Variants in CD109 observed in about 807,000 individuals in gnomAD.
CD109 encodes the protein CD109 molecule.
In CD109, 149 loss-of-function variants were observed where a neutral mutation model predicts 165.8. The observed-to-expected ratio is 0.90, with a 90% CI of 0.79 to 1.03. CD109 has a LOEUF of 1.03. Among genes scored for constraint, CD109 ranks in the 50% least tolerant of loss-of-function variants. CD109 has a pLI of 0.00. For missense variants in CD109, 1,712 were observed against 1,677.8 expected, an observed-to-expected ratio of 1.02 and a Z score of -0.36; for synonymous variants, 585 against 592.1, an observed-to-expected ratio of 0.99 and a Z score of 0.18.
the CD109 span, among the ~76,000 whole-genome samples, chr6:73,681,607 CTT>C: frequency 6.9e-6 from 1 of 143,958 alleles, no homozygotes; most frequent in Non-Finnish European, 1.5e-5. Flanking sequence ...ACTTCCCCCA[CTT>C]TTTTTTTTTT....
At chr6:73,800,982 T>G (rs1415435805) in intron 23 of CD109, among the ~76,000 whole-genome samples, 1 of 152,252 alleles carries the variant, frequency 6.6e-6, no homozygotes, top group Non-Finnish European at 1.5e-5. Context: ...AATAGTCAAA[T>G]GCATCAATTT....
upstream of CD109, chr6:73,695,510 CCTAA>C (rs913228357): frequency 2.0e-5 from 3 of 151,670 alleles, no homozygotes; most frequent in African/African-American, 7.3e-5. Context: ...AGTAGCAACA[CCTAA>C]CGTCTGCAGT....
chr6:73,766,629 GA>G lies in CD109; in HGVS notation c.1333-128del, dbSNP rs1331393484. On this transcript the variant is annotated intron_variant, in intron 11 of 32. Transcript: ENST00000287097. The stretch of plus-strand genomic sequence containing the variant: ...AAATGATGAAAATCCAATGTCTGGT[GA>G]ATGTATTTTTCTTGCATTAAAAAAA... 1.7e-5 allele frequency: 11 copies of G among 639,044 alleles called. No homozygotes were observed. In the African/African-American group the frequency reaches 1.8e-4, roughly 11 times the overall value. 39.6% of individuals were successfully genotyped at this position (639,044 alleles called of 1,614,324 possible).
chr6:73,755,107 A>G (rs1773340495), intron 5 of CD109, among the ~76,000 whole-genome samples: 1 of 152,236 alleles, frequency 6.6e-6, no homozygotes, highest in African/African-American at 2.4e-5. Context: ...TCTTATGTTC[A>G]TTAGTAAAAC....
At chr6:73,812,829 A>G (rs1775800586) in intron 29 of CD109, among the ~76,000 whole-genome samples, 1 of 152,128 alleles carries the variant, frequency 6.6e-6, no homozygotes, top group African/African-American at 2.4e-5. Context: ...TAAATAGCAC[A>G]TAAAAATATT....
intron 5 of CD109, 78 bp downstream of exon 5, chr6:73,736,586 T>C (rs1223765811): frequency 1.1e-5 from 14 of 1,275,972 alleles, no homozygotes; most frequent in Admixed American, 2.4e-5. Flanking sequence ...TCCAAAGTCA[T>C]TTATACAATG....
intron 5 of CD109, among the ~76,000 whole-genome samples, chr6:73,748,447 G>A (rs59054044): frequency 0.059 from 8,996 of 152,202 alleles, 661 homozygotes; most frequent in African/African-American, 0.17. Context: ...ATAACTCTCT[G>A]TAAATGTTAA....
intron 23 of CD109, among the ~76,000 whole-genome samples, chr6:73,800,401 G>A (rs1288867470): frequency 3.3e-5 from 5 of 152,196 alleles, no homozygotes; most frequent in Non-Finnish European, 7.3e-5. Context: ...AGATGATGCT[G>A]TAATGAATAA....
At chr6:73,777,893 C>T (rs1218073592) in intron 15 of CD109, among the ~76,000 whole-genome samples, 3 of 152,142 alleles carry the variant, frequency 2.0e-5, no homozygotes, top group Non-Finnish European at 4.4e-5. Context: ...CTTGGCTATA[C>T]GAGCTCTTTT....
rs577245969 is a variant in CD109 at position 73,770,914 on chromosome 6, A to G, written c.1675-515A>G. ...GTTTAGAAGGCCATGGAGACAGAGCATGAGGGCCTGGACTAGTGTTTGCTC... is the reference window on the plus strand; with the variant it reads ...GTTTAGAAGGCCATGGAGACAGAGCGTGAGGGCCTGGACTAGTGTTTGCTC... On this transcript the variant is annotated intron_variant, in intron 14 of 32. Transcript: ENST00000287097. Among the ~76,000 whole-genome samples the G allele has an allele frequency of 3.9e-5, 6 of 152,290 alleles. No individual in the cohort carries two copies. In the South Asian group the frequency reaches 1.0e-3, roughly 26 times the overall value.
chr6:73,820,161 C>T (rs1453508313), intron 31 of CD109, among the ~76,000 whole-genome samples: 1 of 152,184 alleles, frequency 6.6e-6, no homozygotes, highest in Admixed American at 6.5e-5. Context: ...GGGTGGGGTG[C>T]ACCATCTGAG....
chr6:73,778,841 G>T (rs1160065394), intron 15 of CD109, among the ~76,000 whole-genome samples: 1 of 151,564 alleles, frequency 6.6e-6, no homozygotes, highest in Non-Finnish European at 1.5e-5. Context: ...GTCTTAATTT[G>T]TCTGGTTAAT....
chr6:73,803,393 A>G (rs1442897619), intron 24 of CD109, 92 bp downstream of exon 24: 6 of 857,344 alleles, frequency 7.0e-6, no homozygotes, highest in Non-Finnish European at 7.5e-6. Flanking sequence ...ATATCTCTAT[A>G]TATTATAGAC....
At chr6:73,744,935 G>A (rs562677922) in intron 5 of CD109, among the ~76,000 whole-genome samples, 10 of 152,192 alleles carry the variant, frequency 6.6e-5, no homozygotes, top group South Asian at 6.2e-4. Context: ...CTTAGAGGTC[G>A]CCTAGATCCA....
chr6:73,803,212 G>A lies in CD109; in HGVS notation c.2879-8G>A, dbSNP rs1429263000. On this transcript the variant is annotated splice_polypyrimidine_tract_variant and splice_region_variant and intron_variant, in intron 23 of 32. Coordinates refer to ENST00000287097, the MANE Select transcript of CD109 (RefSeq NM_133493.5). ...TTACTTTGACTATCTGTCTATTTTT[G>A]TGTCTAGGTTACCAGAGAGAACTTC... 1 of 1,597,426 alleles carries A rather than the reference G, an allele frequency of 6.3e-7. No individual in the cohort carries two copies. The highest frequency in any genetic ancestry group is 1.7e-5 in the Admixed American group (1 of 59,582).
At chr6:73,751,524 G>A (rs1038342021) in intron 5 of CD109, among the ~76,000 whole-genome samples, 5 of 152,100 alleles carry the variant, frequency 3.3e-5, no homozygotes, top group African/African-American at 1.2e-4. Flanking sequence ...ATATCTAGTT[G>A]AGGGAAAATG....
intron 5 of CD109, among the ~76,000 whole-genome samples, chr6:73,743,578 C>A (rs778769593): frequency 6.6e-5 from 10 of 152,186 alleles, no homozygotes; most frequent in Non-Finnish European, 1.5e-4. Flanking sequence ...TGTTGTCCAG[C>A]CTCTGCCTGG....
At chr6:73,737,391 G>A (rs146846712) in intron 5 of CD109, among the ~76,000 whole-genome samples, 1 of 152,274 alleles carries the variant, frequency 6.6e-6, no homozygotes, top group Non-Finnish European at 1.5e-5. Flanking sequence ...TTGCTTCATG[G>A]CCACCCTGCA....
At chr6:73,760,429 A>T (rs970317188) in intron 7 of CD109, among the ~76,000 whole-genome samples, 12 of 150,836 alleles carry the variant, frequency 8.0e-5, no homozygotes, top group Non-Finnish European at 1.5e-4. Context: ...AAAAAAAAAA[A>T]AAAAAAAGCC....
Sources: gnomAD v4.1 joint callset for allele counts (sites outside exome capture counted in the v4.1 genomes callset) on GRCh38, gnomAD v4.1.1 for gene constraint, MANE v1.5 for transcripts, NCBI Gene and HGNC (gene_info 2026-07-23, HGNC 2026-07-21) for gene names.